Variants in TUBGCP5 observed in about 807,000 individuals in gnomAD.
TUBGCP5 encodes the protein tubulin gamma complex component 5.
In TUBGCP5, 98 loss-of-function variants were observed where a neutral mutation model predicts 134.7. The observed-to-expected ratio is 0.73, with a 90% CI of 0.62 to 0.86. The LOEUF (loss-of-function observed/expected upper bound fraction) is 0.86. Among genes scored for constraint, TUBGCP5 ranks in the 40% least tolerant of loss-of-function variants. The pLI, the probability that TUBGCP5 is intolerant of heterozygous loss-of-function variation, is 0.00. For synonymous variants in TUBGCP5, 456 were observed against 431.4 expected, an observed-to-expected ratio of 1.06 and a Z score of -0.71; for missense variants, 1,150 against 1,244.8, an observed-to-expected ratio of 0.92 and a Z score of 1.15.
intron 21 of TUBGCP5, among the ~76,000 whole-genome samples, chr15:23,001,653 C>CTT (rs59087813): frequency 7.0e-5 from 10 of 142,684 alleles, no homozygotes; most frequent in Non-Finnish European, 1.2e-4. Context: ...TTCTTTCTTT[C>CTT]TTTTTTTTTT....
downstream of TUBGCP5, among the ~76,000 whole-genome samples, chr15:22,995,574 CAAAA>C (rs397794497): frequency 8.2e-6 from 1 of 121,726 alleles, no homozygotes. Flanking sequence ...GGCTCCGTCT[CAAAA>C]AAAAAAAAAA....
rs2065010533 is a variant in TUBGCP5, at chr15:23,011,183, A to G, written c.1905T>C (p.His635=). 6.2e-7 allele frequency: 1 copy of G among 1,614,000 alleles called. No individual in the cohort carries two copies. The highest frequency in any genetic ancestry group is 8.5e-7 in the Non-Finnish European group (1 of 1,180,006). The change falls in exon 14 of 23, where the codon CAT becomes CAC. Residue 635 remains histidine, a synonymous_variant. Transcript: ENST00000615383. ...LMKMQSIAES[H]LELDDVHDPL... is the part of the protein sequence containing the mutation. ...GATCATGAACATCATCCAGTTCAAG[A>G]TGGCTTTCAGCAATGGACTGCATCT...
chr15:22,988,284 A>G (rs1406835336), intron 23 of TUBGCP5, among the ~76,000 whole-genome samples: 1 of 151,986 alleles, frequency 6.6e-6, no homozygotes, highest in Non-Finnish European at 1.5e-5. Context: ...CAGTGTGAAC[A>G]CAGAGGCAGA....
intron 16 of TUBGCP5, among the ~76,000 whole-genome samples, chr15:23,007,412 T>A (rs1355949452): frequency 6.6e-6 from 1 of 152,120 alleles, no homozygotes; most frequent in Non-Finnish European, 1.5e-5. Flanking sequence ...TTTTAGCTCT[T>A]AATGGCCTGA....
Position 23,008,682 on chromosome 15 carries a change from T to C in TUBGCP5, c.2327+17A>G. ...CATGTTACACTAATTTAAATAAAGG[T>C]GGCGTCCATATTTTACCGTGAACTA... On this transcript the variant is annotated intron_variant, in intron 16 of 22. Transcript: ENST00000615383. 1 of 1,604,398 alleles carries C rather than the reference T, an allele frequency of 6.2e-7. No homozygotes were observed. Among genetic ancestry groups the C allele is most frequent in the East Asian group, 2.2e-5 (1 of 44,684 alleles).
intron 1 of TUBGCP5, among the ~76,000 whole-genome samples, 161 bp from the exon 2 acceptor site, chr15:23,037,313 T>A (rs2066648497): frequency 6.6e-6 from 1 of 152,090 alleles, no homozygotes; most frequent in African/African-American, 2.4e-5. Context: ...GGCAGGCAAA[T>A]AATCACCGTG....
chr15:22,985,884 A>AGCAC (rs981321792), intron 23 of TUBGCP5, among the ~76,000 whole-genome samples: 1 of 151,170 alleles, frequency 6.6e-6, no homozygotes, highest in African/African-American at 2.4e-5. Flanking sequence ...CTGTAATTCC[A>AGCAC]GCACTTTGGA....
At chr15:23,002,140 A>C (rs1481327115) in intron 21 of TUBGCP5, among the ~76,000 whole-genome samples, 13 of 145,810 alleles carry the variant, frequency 8.9e-5, no homozygotes, top group East Asian at 2.0e-4. Context: ...AAAGTGAGAC[A>C]AAAAAAAAAG....
intron 5 of TUBGCP5, 82 bp from the exon 6 acceptor site, chr15:23,031,102 G>A (rs1320034253): frequency 1.3e-5 from 18 of 1,368,184 alleles, no homozygotes; most frequent in Non-Finnish European, 1.2e-5. Context: ...AGAAAACTTT[G>A]AAGAAAAGCA....
chr15:23,008,630 T>A lies in TUBGCP5; in HGVS notation c.2327+69A>T, dbSNP rs35914296. The A allele has an allele frequency of 1.6e-4, 238 of 1,487,222 alleles. No individual in the cohort carries two copies. The African/African-American group carries it at 3.1e-3, about 19-fold the overall frequency. 92.1% of individuals were successfully genotyped at this position (1,487,222 alleles called of 1,614,324 possible). A position where few individuals can be genotyped will look rare whatever the true frequency, so the allele number is the denominator to read the frequency against. ...GTGAGGATAAAATAATATGTGTAAT[T>A]CATAGAAGACTTACTGGCACATAGT... is the stretch of plus-strand genomic sequence containing the variant. On this transcript the variant is annotated intron_variant, in intron 16 of 22. Coordinates refer to ENST00000615383, the MANE Select transcript of TUBGCP5 (RefSeq NM_052903.6).
At chr15:22,987,333 T>C in intron 23 of TUBGCP5, among the ~76,000 whole-genome samples, 1 of 118,528 alleles carries the variant, frequency 8.4e-6, no homozygotes. Flanking sequence ...CAAAACTCCA[T>C]CTCAAAAAAA....
chr15:22,987,412 A>G (rs930764967), intron 23 of TUBGCP5, among the ~76,000 whole-genome samples: 2 of 152,038 alleles, frequency 1.3e-5, no homozygotes, highest in Middle Eastern at 3.4e-3. Flanking sequence ...ATTACTACAA[A>G]TTTTTGGCTC....
Position 23,013,440 on chromosome 15 carries a change from C to T in TUBGCP5, c.1757-2109G>A, listed in dbSNP as rs142345138. Among the ~76,000 whole-genome samples the T allele has an allele frequency of 4.1e-3, 620 of 151,088 alleles. 6 individuals carry two copies. Among genetic ancestry groups the T allele is most frequent in the African/African-American group, 0.015 (603 of 41,168 alleles). On this transcript the variant is annotated intron_variant, in intron 13 of 22. Coordinates refer to ENST00000615383, the MANE Select transcript of TUBGCP5 (RefSeq NM_052903.6). This position sits in a 1 kb window ranked among gnomAD's most constrained non-coding sequence, Gnocchi z 4.5. ...CAGCCTGGGCGACAGGGAAAGACTCCGTCTCAAAAAAAAAAGATCCGACTG... is the reference window on the plus strand; with the variant it reads ...CAGCCTGGGCGACAGGGAAAGACTCTGTCTCAAAAAAAAAAGATCCGACTG...
intron 13 of TUBGCP5, among the ~76,000 whole-genome samples, chr15:23,016,786 A>G (rs1216511053): frequency 2.0e-5 from 3 of 151,664 alleles, no homozygotes; most frequent in East Asian, 3.9e-4. Flanking sequence ...TCCTCAAAAA[A>G]CTACAAATAG....
intron 13 of TUBGCP5, among the ~76,000 whole-genome samples, chr15:23,012,531 T>C (rs1000483147): frequency 6.6e-6 from 1 of 152,064 alleles, no homozygotes; most frequent in Non-Finnish European, 1.5e-5. Flanking sequence ...CTCAGCCTCC[T>C]GAGTAGTGGG....
chr15:23,017,800 T>C lies in TUBGCP5; in HGVS notation c.1729A>G (p.Ser577Gly). The C allele has an allele frequency of 6.2e-7, 1 of 1,613,828 alleles. No homozygotes were observed. The highest frequency in any genetic ancestry group is 1.1e-5 in the South Asian group (1 of 91,054). ...QLLKNLQCAE[S>G]TTCQAGARDA... ...CTGGCTCCTGCCTGGCAGGTGGTGCTCTCCGCACACTGCAGGTTCTTCAGC... is the reference window on the plus strand; with the variant it reads ...CTGGCTCCTGCCTGGCAGGTGGTGCCCTCCGCACACTGCAGGTTCTTCAGC... The change falls in exon 13 of 23, where the codon AGC (serine) becomes GGC (glycine). Residue 577 changes from serine (S) to glycine (G), a missense_variant. Ser to Gly is a moderately conservative substitution (Grantham distance 56). Coordinates refer to ENST00000615383, the MANE Select transcript of TUBGCP5 (RefSeq NM_052903.6).
chr15:23,020,584 C>CAAAAAGAA (rs2065619935), intron 11 of TUBGCP5, among the ~76,000 whole-genome samples: 1 of 76,242 alleles, frequency 1.3e-5, no homozygotes, highest in Non-Finnish European at 2.5e-5. Context: ...GACTACGTCT[C>CAAAAAGAA]AAAAAAAAAA....
At chr15:23,014,139 C>G in intron 13 of TUBGCP5, among the ~76,000 whole-genome samples, 1 of 152,350 alleles carries the variant, frequency 6.6e-6, no homozygotes, top group East Asian at 1.9e-4. Flanking sequence ...AGCTTCCTAC[C>G]AGCTGACATG....
At chr15:23,037,502 C>T (rs2066662850) in intron 1 of TUBGCP5, among the ~76,000 whole-genome samples, 1 of 152,082 alleles carries the variant, frequency 6.6e-6, no homozygotes, top group Non-Finnish European at 1.5e-5. Flanking sequence ...AGCCTAAGGA[C>T]CCCTTCTCTG....
Sources: allele counts gnomAD v4.1 joint callset (sites outside exome capture counted in the v4.1 genomes callset), GRCh38; gene constraint gnomAD v4.1.1; non-coding constraint Gnocchi (gnomAD v3.1); transcripts MANE v1.5; gene names NCBI Gene and HGNC (gene_info 2026-07-23, HGNC 2026-07-21).